NYAP2: variants seen among roughly 807,000 people sequenced by gnomAD.
The protein encoded by NYAP2 is neuronal tyrosine-phosphorylated phosphoinositide-3-kinase adapter 2.
In NYAP2, 23 loss-of-function variants were observed where a neutral mutation model predicts 50.4. The ratio of observed to expected loss-of-function variants is 0.46; its 90% CI spans 0.33 to 0.65. The LOEUF (loss-of-function observed/expected upper bound fraction) is 0.65, where lower values mean the gene tolerates loss of function less well. NYAP2 is among the 30% of genes least tolerant of loss of function. The pLI is 0.02. For synonymous variants in NYAP2, 394 were observed against 365.2 expected, an observed-to-expected ratio of 1.08 and a Z score of -0.90; for missense variants, 885 against 861.0, an observed-to-expected ratio of 1.03 and a Z score of -0.35.
chr2:225,451,351 T>A (rs1330572427), intron 3 of NYAP2, among the ~76,000 whole-genome samples: 1 of 152,176 alleles, frequency 6.6e-6, no homozygotes, highest in Non-Finnish European at 1.5e-5. Flanking sequence ...AATATTAATA[T>A]TTTCTTTATT....
chr2:225,448,344 A>G (rs960506495), intron 3 of NYAP2, among the ~76,000 whole-genome samples: 3 of 152,212 alleles, frequency 2.0e-5, no homozygotes, highest in African/African-American at 7.2e-5. Context: ...GAAAGCGACC[A>G]GGGGAATTAA....
At chr2:225,525,050 A>G (rs1323435529) in intron 4 of NYAP2, among the ~76,000 whole-genome samples, 1 of 152,194 alleles carries the variant, frequency 6.6e-6, no homozygotes, top group Non-Finnish European at 1.5e-5. Flanking sequence ...ATCTTATGCT[A>G]GTTAGAATGG....
At chr2:225,490,728 C>T (rs1690389314) in intron 3 of NYAP2, among the ~76,000 whole-genome samples, 2 of 152,204 alleles carry the variant, frequency 1.3e-5, no homozygotes, top group Non-Finnish European at 2.9e-5. Context: ...TGATGAGACA[C>T]ATTGCAATCA....
chr2:225,428,360 CT>C (rs1695316624), intron 3 of NYAP2, among the ~76,000 whole-genome samples: 1 of 152,172 alleles, frequency 6.6e-6, no homozygotes, highest in Admixed American at 6.5e-5. Context: ...CAGCTCTGCT[CT>C]TTAAAATCTT....
intron 3 of NYAP2, among the ~76,000 whole-genome samples, chr2:225,497,894 C>T (rs1559196118): frequency 6.6e-6 from 1 of 151,960 alleles, no homozygotes; most frequent in Non-Finnish European, 1.5e-5. Flanking sequence ...GATCAGTTCC[C>T]TTTAGAGGTT....
At chr2:225,660,262 C>T in the NYAP2 span, among the ~76,000 whole-genome samples, 2 of 152,092 alleles carry the variant, frequency 1.3e-5, no homozygotes, top group African/African-American at 4.8e-5. Flanking sequence ...GGGTTGGAGG[C>T]AAAGTACGTA....
chr2:225,622,579 C>CTTTCTT (rs1559232990), intron 5 of NYAP2, among the ~76,000 whole-genome samples: 25 of 71,594 alleles, frequency 3.5e-4, no homozygotes, highest in African/African-American at 1.2e-3. Flanking sequence ...TTCTTTCTTT[C>CTTTCTT]TTCTTTCTTT....
intron 4 of NYAP2, among the ~76,000 whole-genome samples, chr2:225,560,359 G>T (rs1205966121): frequency 6.6e-6 from 1 of 152,014 alleles, no homozygotes; most frequent in Non-Finnish European, 1.5e-5. Context: ...TACTTTGAGA[G>T]AAACACTATG....
chr2:225,423,751 A>G (rs1695249144), intron 3 of NYAP2, among the ~76,000 whole-genome samples: 1 of 152,128 alleles, frequency 6.6e-6, no homozygotes, highest in African/African-American at 2.4e-5. Flanking sequence ...GCACAATAAA[A>G]CTATCTCCAT....
At chr2:225,454,836 T>G (rs7597786) in intron 3 of NYAP2, among the ~76,000 whole-genome samples, 19,673 of 152,086 alleles carry the variant, frequency 0.13, 2,400 homozygotes, top group African/African-American at 0.32. Flanking sequence ...CCAAAAAGTT[T>G]GGGTACCACC....
chr2:225,479,588 T>C (rs903351706), intron 3 of NYAP2, among the ~76,000 whole-genome samples: 1 of 152,096 alleles, frequency 6.6e-6, no homozygotes, highest in Admixed American at 6.5e-5. Context: ...TAACTTCTAA[T>C]AGCATTTTTG....
At chr2:225,684,406 C>CTT in the NYAP2 span, among the ~76,000 whole-genome samples, 71 of 138,788 alleles carry the variant, frequency 5.1e-4, no homozygotes, top group African/African-American at 1.8e-3. Context: ...TTCTCTCTCT[C>CTT]TTTTTTTTTT....
chr2:225,570,473 C>T (rs1015951999), intron 4 of NYAP2, among the ~76,000 whole-genome samples: 1 of 152,076 alleles, frequency 6.6e-6, no homozygotes, highest in African/African-American at 2.4e-5. Context: ...CTGGGGAGGC[C>T]TCAGGAAACT....
At chr2:225,674,988 C>G in the NYAP2 span, among the ~76,000 whole-genome samples, 1 of 152,004 alleles carries the variant, frequency 6.6e-6, no homozygotes, top group East Asian at 1.9e-4. Flanking sequence ...GGATGAAATT[C>G]TTAATATCTA....
chr2:225,599,425 A>G (rs1692660298), intron 5 of NYAP2, among the ~76,000 whole-genome samples: 1 of 152,214 alleles, frequency 6.6e-6, no homozygotes, highest in African/African-American at 2.4e-5. Flanking sequence ...TAAGAACCCA[A>G]ACAGAAGGTC....
intron 6 of NYAP2, among the ~76,000 whole-genome samples, chr2:225,648,634 C>T (rs188583748): frequency 1.1e-3 from 174 of 152,090 alleles, no homozygotes; most frequent in African/African-American, 4.0e-3. Context: ...TGAAAAAGTA[C>T]AAGATTTGGA....
the NYAP2 span, among the ~76,000 whole-genome samples, chr2:225,693,675 G>T: frequency 6.6e-6 from 1 of 151,980 alleles, no homozygotes; most frequent in Non-Finnish European, 1.5e-5. Context: ...CTGAAGGGGT[G>T]GAAGAGCTCT....
At chr2:225,628,315 GTT>G (rs543647777) in intron 6 of NYAP2, among the ~76,000 whole-genome samples, 17 of 109,412 alleles carry the variant, frequency 1.6e-4, no homozygotes, top group African/African-American at 2.4e-4. Flanking sequence ...AGAACACATA[GTT>G]TTTTTTTTTT....
At chr2:225,640,198 C>T (rs1194444284) in intron 6 of NYAP2, among the ~76,000 whole-genome samples, 1 of 152,268 alleles carries the variant, frequency 6.6e-6, no homozygotes, top group South Asian at 2.1e-4. Flanking sequence ...CCTTATAAAT[C>T]CGAAGGAGAA....
Sources: gnomAD v4.1 joint callset for allele counts (sites outside exome capture counted in the v4.1 genomes callset) on GRCh38, gnomAD v4.1.1 for gene constraint, MANE v1.5 for transcripts, NCBI Gene and HGNC (gene_info 2026-07-23, HGNC 2026-07-21) for gene names.